DOCK9: variants seen among roughly 807,000 people sequenced by gnomAD.
The protein encoded by DOCK9 is dedicator of cytokinesis 9.
In DOCK9, 89 loss-of-function variants were observed where a neutral mutation model predicts 263.3. The ratio of observed to expected loss-of-function variants is 0.34; its 90% CI spans 0.28 to 0.40. The LOEUF is 0.40. Among genes scored for constraint, DOCK9 ranks in the 10% least tolerant of loss-of-function variants. The pLI, the probability that DOCK9 is intolerant of heterozygous loss-of-function variation, is 1.00. For synonymous variants in DOCK9, 976 were observed against 973.1 expected (o/e 1.00, Z -0.06); for missense variants, 2,140 against 2,603.4 (o/e 0.82, Z 3.87).
chr13:98,942,436 T>C (rs9554542), intron 2 of DOCK9, among the ~76,000 whole-genome samples: 93,703 of 151,322 alleles, frequency 0.62, 29,357 homozygotes, highest in East Asian at 0.89. Context: ...GATGGGGTTT[T>C]GCCGTGTTAG....
intron 1 of DOCK9, among the ~76,000 whole-genome samples, chr13:99,032,604 A>C (rs1371267243): frequency 6.6e-6 from 1 of 152,094 alleles, no homozygotes; most frequent in Non-Finnish European, 1.5e-5. Context: ...AAGTACTATA[A>C]ATTTATTAAT....
At chr13:99,063,163 G>C (rs948941328) in intron 1 of DOCK9, among the ~76,000 whole-genome samples, 2 of 152,328 alleles carry the variant, frequency 1.3e-5, no homozygotes, top group South Asian at 4.2e-4. Flanking sequence ...CAACAGGAAG[G>C]CTTGTGCAGT....
intron 1 of DOCK9, among the ~76,000 whole-genome samples, chr13:98,999,316 ACTCT>A (rs903855891): frequency 1.4e-4 from 20 of 138,290 alleles, no homozygotes; most frequent in Non-Finnish European, 2.2e-4. Flanking sequence ...ACACACACAC[ACTCT>A]CTCTCTCTCT....
rs1368523156 is a variant in DOCK9 at position 98,829,634 on chromosome 13, G to C, written c.4749+9C>G. 3.8e-6 allele frequency: 6 copies of C among 1,595,604 alleles called. No homozygotes were observed. The highest frequency in any genetic ancestry group is 4.3e-6 in the Non-Finnish European group (5 of 1,170,230). The stretch of plus-strand genomic sequence containing the variant: ...TCAGGGTGAAACTAACATGGGCCAG[G>C]CTACCCACCTTAATAAGCCGGTCAC... On this transcript the variant is annotated intron_variant, in intron 42 of 52. Coordinates refer to ENST00000682017, the MANE Select transcript of DOCK9 (RefSeq NM_001366683.2). This position sits in a 1 kb window ranked among gnomAD's most constrained non-coding sequence, Gnocchi z 4.1.
At chr13:98,880,018 G>A (rs766277217) in intron 26 of DOCK9, 49 bp from the exon 27 acceptor site, 2 of 1,408,018 alleles carry the variant, frequency 1.4e-6, no homozygotes, top group East Asian at 4.6e-5. Flanking sequence ...AAACTGGTAG[G>A]TAAGACATGA....
chr13:99,078,066 T>C (rs2041982063), intron 1 of DOCK9, among the ~76,000 whole-genome samples: 1 of 152,008 alleles, frequency 6.6e-6, no homozygotes, highest in Non-Finnish European at 1.5e-5. Flanking sequence ...AAAACAAGAA[T>C]GTAAAAAGGA....
At position 98,797,475 on chromosome 13, in the gene DOCK9, T is replaced by C. The variant is rs758702474; in HGVS notation, c.5931A>G (p.Pro1977=). Residue 1977 remains proline (P), a synonymous_variant, in exon 51 of 53, where the codon CCA becomes CCG. Transcript: ENST00000682017. ...CTAAGAAAGCTCGCGCATATGCTAG[T>C]GGGCCAGCATTGACCTAGACAAAGA... ...GSVSVQVNAG[P]LAYARAFLDD... 7.4e-6 allele frequency: 12 copies of C among 1,611,306 alleles called. No homozygotes were observed. The highest frequency in any genetic ancestry group is 1.0e-5 in the Non-Finnish European group (12 of 1,178,654).
At chr13:98,955,293 T>C in intron 2 of DOCK9, 142 bp downstream of exon 2, 1 of 499,802 alleles carries the variant, frequency 2.0e-6, no homozygotes, top group Non-Finnish European at 3.3e-6. Context: ...CACTCAAGCC[T>C]GCGTGACAGA....
rs865882519 is a variant in DOCK9, at chr13:99,035,867, C to G, written c.129+50356G>C. ...CATTAAATCAATAGACTGAGTAAAA[C>G]AGATTGCCCTCCATAATCTGGGAGG... On this transcript the variant is annotated intron_variant, in intron 1 of 32. Transcript: ENST00000427887. Among the ~76,000 whole-genome samples the G allele has an allele frequency of 2.6e-5, 4 of 152,116 alleles. No individual in the cohort carries two copies. In the South Asian group the frequency reaches 8.3e-4, roughly 32 times the overall value.
At chr13:99,082,688 G>A (rs2142493241) in intron 1 of DOCK9, among the ~76,000 whole-genome samples, 1 of 152,226 alleles carries the variant, frequency 6.6e-6, no homozygotes. Context: ...ACAGTCCAAG[G>A]GGACTTAAGT....
At chr13:98,840,580 C>T (rs1033985140) in intron 38 of DOCK9, among the ~76,000 whole-genome samples, 1 of 152,218 alleles carries the variant, frequency 6.6e-6, no homozygotes, top group Non-Finnish European at 1.5e-5. Flanking sequence ...TACAAACTCA[C>T]GTTACCTGCA....
chr13:98,896,977 G>A (rs1163285783), intron 15 of DOCK9, among the ~76,000 whole-genome samples: 1 of 152,174 alleles, frequency 6.6e-6, no homozygotes, highest in Non-Finnish European at 1.5e-5. Flanking sequence ...GAGACACACA[G>A]GAAGAGGACC....
At chr13:99,034,785 T>C (rs1887694174) in intron 1 of DOCK9, among the ~76,000 whole-genome samples, 1 of 152,116 alleles carries the variant, frequency 6.6e-6, no homozygotes, top group Non-Finnish European at 1.5e-5. Context: ...TAGAGATGCG[T>C]AATAATAAGG....
At chr13:99,088,390 C>T (rs2042394281), upstream of DOCK9, 1 of 152,188 alleles carries the variant, frequency 6.6e-6, no homozygotes, top group South Asian at 2.1e-4. Flanking sequence ...CAACTCAGCT[C>T]GCATTGACTC....
At chr13:98,874,753 T>C (rs1051642980) in intron 27 of DOCK9, among the ~76,000 whole-genome samples, 2 of 151,966 alleles carry the variant, frequency 1.3e-5, no homozygotes, top group Admixed American at 1.3e-4. Context: ...ATAAGCAGAC[T>C]TATTGATATA....
chr13:98,880,968 C>G (rs1167319433), intron 25 of DOCK9, among the ~76,000 whole-genome samples: 2 of 152,106 alleles, frequency 1.3e-5, no homozygotes, highest in Non-Finnish European at 2.9e-5. Context: ...TGACTGATAC[C>G]CTAAAGGACC....
chr13:98,927,875 TC>T (rs1450357375), intron 3 of DOCK9, among the ~76,000 whole-genome samples: 1 of 152,002 alleles, frequency 6.6e-6, no homozygotes, highest in African/African-American at 2.4e-5. Context: ...CGCCTCGGCC[TC>T]CCAAAGTACT....
intron 52 of DOCK9, among the ~76,000 whole-genome samples, chr13:98,796,034 C>G (rs965637332): frequency 6.6e-5 from 10 of 152,178 alleles, no homozygotes; most frequent in Non-Finnish European, 1.5e-4. Flanking sequence ...GCTGGGATTA[C>G]AGGAGTGAGC....
chr13:98,854,444 G>A (rs1010188273), intron 34 of DOCK9: 4 of 151,728 alleles, frequency 2.6e-5, no homozygotes, highest in African/African-American at 9.7e-5. Flanking sequence ...ATATATATCA[G>A]GCTTAATAAA....
Sources: gnomAD v4.1 joint callset for allele counts (sites outside exome capture counted in the v4.1 genomes callset) on GRCh38, gnomAD v4.1.1 for gene constraint, Gnocchi (gnomAD v3.1) non-coding constraint, MANE v1.5 for transcripts, NCBI Gene and HGNC (gene_info 2026-07-23, HGNC 2026-07-21) for gene names.